Variants in TRPM2 observed in about 807,000 individuals in gnomAD.
TRPM2 encodes the protein estrogen-responsive element-associated gene 1 protein.
TRPM2 carries 161 observed loss-of-function variants against 174.0 expected under a neutral mutation model. The ratio of observed to expected loss-of-function variants is 0.93; its 90% confidence interval spans 0.81 to 1.05. The LOEUF (loss-of-function observed/expected upper bound fraction) is 1.05, where lower values mean the gene tolerates loss of function less well. Ranked by LOEUF, TRPM2 falls within the 50% of genes least tolerant of loss-of-function variation. TRPM2 has a pLI of 0.00. For synonymous variants in TRPM2, 954 were observed against 861.3 expected, an observed-to-expected ratio of 1.11 and a Z score of -1.88; for missense variants, 2,057 against 2,038.0, an observed-to-expected ratio of 1.01 and a Z score of -0.18.
intron 26 of TRPM2, 81 bp from the exon 27 acceptor site, chr21:44,426,929 T>TG (rs113213016): frequency 3.6e-5 from 52 of 1,447,018 alleles, no homozygotes; most frequent in Admixed American, 2.1e-4. Flanking sequence ...GGGCCCTTGG[T>TG]GGGGGGGTGA....
intron 2 of TRPM2, among the ~76,000 whole-genome samples, chr21:44,358,759 C>A (rs1414497911): frequency 1.3e-5 from 2 of 152,170 alleles, no homozygotes; most frequent in African/African-American, 4.8e-5. Context: ...GTCTCTCATC[C>A]ATAAACAGTG....
intron 22 of TRPM2, among the ~76,000 whole-genome samples, chr21:44,419,356 C>T (rs1231078371): frequency 2.6e-5 from 4 of 152,102 alleles, no homozygotes; most frequent in African/African-American, 9.7e-5. Context: ...CCTCCCTCAC[C>T]TTGTCTGTAA....
rs1189629495 is a variant in TRPM2 at position 44,366,249 on chromosome 21, G to C, written c.424-505G>C. Among the ~76,000 whole-genome samples the C allele has an allele frequency of 6.6e-6, 1 of 150,388 alleles. No homozygotes were observed. Among genetic ancestry groups the C allele is most frequent in the Middle Eastern group, 3.2e-3 (1 of 316 alleles). On this transcript the variant is annotated intron_variant, in intron 3 of 31. Coordinates refer to ENST00000397928, the MANE Select transcript of TRPM2 (RefSeq NM_003307.4). The surrounding 1 kb of genome is among the most constrained non-coding windows in gnomAD (Gnocchi z 6.0). Reference sequence around the variant, plus strand: ...GGCACAGGGGCCACAGAGCAGAGGGGATAGGGCAGAGGGGACAGGAGAGGG... The same window carrying C: ...GGCACAGGGGCCACAGAGCAGAGGGCATAGGGCAGAGGGGACAGGAGAGGG...
intron 23 of TRPM2, 28 bp downstream of exon 23, chr21:44,423,760 G>A (rs1157530518): frequency 2.5e-6 from 4 of 1,569,800 alleles, no homozygotes; most frequent in Non-Finnish European, 3.5e-6. Context: ...GCCTCCGTCA[G>A]GAGGTGCCAC....
At chr21:44,371,867 T>C (rs2048551136) in intron 5 of TRPM2, among the ~76,000 whole-genome samples, 1 of 152,182 alleles carries the variant, frequency 6.6e-6, no homozygotes, top group Non-Finnish European at 1.5e-5. Context: ...GTGTGGGGGC[T>C]CACACCTGTC....
intron 27 of TRPM2, among the ~76,000 whole-genome samples, chr21:44,434,227 GGTGGTGGGGACT>G (rs1387442945): frequency 4.6e-5 from 7 of 152,300 alleles, no homozygotes; most frequent in South Asian, 2.1e-4. Flanking sequence ...TGGCATGGAT[GGTGGTGGGGACT>G]GTGGTGGGGA....
At chr21:44,425,192 C>A (rs1045508854) in intron 24 of TRPM2, 1 of 527,018 alleles carries the variant, frequency 1.9e-6, no homozygotes, top group Non-Finnish European at 3.4e-6. Flanking sequence ...CTGCTGTGCC[C>A]TGAGCTCCCC....
intron 27 of TRPM2, among the ~76,000 whole-genome samples, chr21:44,429,278 C>CTTTTTTTTTTTTTTTTTTTTTTTTTTTT (rs35708355): frequency 6.8e-5 from 3 of 44,194 alleles, no homozygotes; most frequent in Admixed American, 3.1e-4. Context: ...TTTTCTTTTT[C>CTTTTTTTTTTTTTTTTTTTTTTTTTTTT]TTTTTTTTTT....
At chr21:44,421,507 A>G (rs1165749330) in intron 22 of TRPM2, among the ~76,000 whole-genome samples, 3 of 151,940 alleles carry the variant, frequency 2.0e-5, no homozygotes, top group East Asian at 1.9e-4. Flanking sequence ...ACAGTGGCTC[A>G]TGCTTGTAAT....
chr21:44,356,496 A>G (rs1390781131), intron 2 of TRPM2, among the ~76,000 whole-genome samples: 2 of 151,662 alleles, frequency 1.3e-5, no homozygotes, highest in Non-Finnish European at 2.9e-5. Context: ...TGGCTTCTCC[A>G]TAGGCAGAGC....
At chr21:44,380,883 A>G (rs991705414) in intron 8 of TRPM2, among the ~76,000 whole-genome samples, 2 of 152,218 alleles carry the variant, frequency 1.3e-5, no homozygotes, top group East Asian at 3.9e-4. Context: ...TGGCGTCCAT[A>G]TGGGCTCAGA....
rs939515352 is a variant in TRPM2 at position 44,439,334 on chromosome 21, C to G, written c.4269+166C>G. On this transcript the variant is annotated intron_variant, in intron 30 of 31. Transcript: ENST00000397928. This position sits in a 1 kb window ranked among gnomAD's most constrained non-coding sequence, Gnocchi z 5.1. ...CCCCTGCCCCCACGTTGCACAGCTC[C>G]CAGAGGACCCGGAAGCATAGCTGTG... Among the ~76,000 whole-genome samples the G allele has an allele frequency of 6.6e-6, 1 of 152,108 alleles. No homozygotes were observed. Among genetic ancestry groups the G allele is most frequent in the African/African-American group, 2.4e-5 (1 of 41,406 alleles).
chr21:44,405,168 G>A lies in TRPM2; in HGVS notation c.2565G>A (p.Gly855=). ...TCTTCTATGACCCTGACGAGTGCGG[G>A]CTGATGAAGAAGGCAGCCTTGTACT... The part of the protein sequence containing the change: ...RQLFYDPDEC[G]LMKKAALYFS... The change falls in exon 17 of 32, where the codon GGG becomes GGA. Residue 855 remains glycine (G), a synonymous_variant. Coordinates refer to ENST00000397928, the MANE Select transcript of TRPM2 (RefSeq NM_003307.4). 2 of 1,613,494 alleles carry A rather than the reference G, an allele frequency of 1.2e-6. No individual in the cohort carries two copies. The highest frequency in any genetic ancestry group is 3.3e-5 in the Admixed American group (2 of 60,008).
At position 44,405,172 on chromosome 21, in the gene TRPM2, A is replaced by C; in HGVS notation, c.2569A>C (p.Met857Leu). 1 of 1,613,494 alleles carries C rather than the reference A, an allele frequency of 6.2e-7. No homozygotes were observed. The highest frequency in any genetic ancestry group is 1.1e-5 in the South Asian group (1 of 91,084). Residue 857 changes from methionine (M) to leucine (L), a missense_variant, in exon 17 of 32, where the codon ATG becomes CTG. Transcript: ENST00000397928. ...LFYDPDECGL[M>L]KKAALYFSDF... Reference sequence around the variant, plus strand: ...CTATGACCCTGACGAGTGCGGGCTGATGAAGAAGGCAGCCTTGTACTTCAG... The same window carrying C: ...CTATGACCCTGACGAGTGCGGGCTGCTGAAGAAGGCAGCCTTGTACTTCAG...
chr21:44,408,086 C>T (rs1423988462), intron 19 of TRPM2, among the ~76,000 whole-genome samples: 2 of 151,874 alleles, frequency 1.3e-5, no homozygotes, highest in Non-Finnish European at 2.9e-5. Context: ...GCTGGGATTA[C>T]AGGCACCTGC....
chr21:44,399,210 G>A lies in TRPM2; in HGVS notation c.2063-86G>A, dbSNP rs573635540. The A allele has an allele frequency of 9.9e-6, 15 of 1,513,176 alleles. No homozygotes were observed. In the Admixed American group the frequency reaches 2.9e-4, roughly 29 times the overall value. 93.7% of individuals were successfully genotyped at this position (1,513,176 alleles called of 1,614,324 possible). ...CCCTTCCCTGTGTCCTGGTGGTGCT[G>A]TCCCGAGTGGTTGCCCTCTGACCCG... On this transcript the variant is annotated intron_variant, in intron 13 of 31. Transcript: ENST00000397928. The surrounding 1 kb of genome is among the most constrained non-coding windows in gnomAD (Gnocchi z 4.6).
At chr21:44,352,998 C>CA (rs149877329), upstream of TRPM2, among the ~76,000 whole-genome samples, 4,585 of 151,894 alleles carry the variant, frequency 0.03, 219 homozygotes, top group African/African-American at 0.1. Flanking sequence ...CTACTACATA[C>CA]AAAAAAAATT....
intron 19 of TRPM2, 138 bp from the exon 20 acceptor site, chr21:44,413,753 C>G (rs1010781075): frequency 1.4e-5 from 14 of 1,013,904 alleles, no homozygotes; most frequent in Non-Finnish European, 2.1e-5. Context: ...GAGGTGACAG[C>G]TGAGGTCACC....
rs1443801998 is a variant in TRPM2 at position 44,439,861 on chromosome 21, G to A, written c.4269+693G>A. Among the ~76,000 whole-genome samples the A allele has an allele frequency of 1.3e-5, 2 of 152,068 alleles. No individual in the cohort carries two copies. The highest frequency in any genetic ancestry group is 2.9e-5 in the Non-Finnish European group (2 of 67,994). On this transcript the variant is annotated intron_variant, in intron 30 of 31. Coordinates refer to ENST00000397928, the MANE Select transcript of TRPM2 (RefSeq NM_003307.4). The surrounding 1 kb of genome is among the most constrained non-coding windows in gnomAD (Gnocchi z 5.1). ...CTTGGCCTCCCAGGCAGCAGGGGCT[G>A]CAGCGGTGAGACACCACACCCGTCT... is the stretch of plus-strand genomic sequence containing the variant.
Sources: allele counts gnomAD v4.1 joint callset (sites outside exome capture counted in the v4.1 genomes callset), GRCh38; gene constraint gnomAD v4.1.1; non-coding constraint Gnocchi (gnomAD v3.1); transcripts MANE v1.5; gene names NCBI Gene and HGNC (gene_info 2026-07-23, HGNC 2026-07-21).